POC5: variants seen among roughly 807,000 people sequenced by gnomAD.
POC5 encodes the protein POC5 centriolar protein, also known as centrosomal protein POC5.
POC5 carries 48 observed loss-of-function variants against 62.9 expected under a neutral mutation model. The observed-to-expected ratio is 0.76, with a 90% CI of 0.61 to 0.97. POC5 has a LOEUF of 0.97. Among genes scored for constraint, POC5 ranks in the 50% least tolerant of loss-of-function variants. The pLI is 0.00. For missense variants in POC5, 696 were observed against 679.5 expected (o/e 1.02, Z -0.27); for synonymous variants, 236 against 228.2 (o/e 1.03, Z -0.31).
chr5:75,713,219 C>G (rs1777422360), intron 1 of POC5, among the ~76,000 whole-genome samples: 1 of 152,216 alleles, frequency 6.6e-6, no homozygotes, highest in Admixed American at 6.5e-5. Flanking sequence ...AGATTGTGAT[C>G]ACTGTTCTTG....
intron 11 of POC5, among the ~76,000 whole-genome samples, chr5:75,676,609 C>T (rs1775665983): frequency 6.6e-6 from 1 of 152,008 alleles, no homozygotes; most frequent in Non-Finnish European, 1.5e-5. Flanking sequence ...AGAAAGTACA[C>T]AGGAACGTTG....
intron 3 of POC5, among the ~76,000 whole-genome samples, chr5:75,706,701 C>T (rs1777135728): frequency 6.6e-6 from 1 of 152,024 alleles, no homozygotes; most frequent in African/African-American, 2.4e-5. Flanking sequence ...GGTGCTGGGA[C>T]TATAGGCTGC....
intron 5 of POC5, among the ~76,000 whole-genome samples, chr5:75,700,117 C>G (rs1370992038): frequency 6.6e-6 from 1 of 152,110 alleles, no homozygotes; most frequent in Non-Finnish European, 1.5e-5. Context: ...TAGGAAGAGT[C>G]AGTATCGTGA....
Position 75,692,251 on chromosome 5 carries a change from CA to C in POC5, c.795+144del. ...AAACTGTATTTTTTCCAAACTACAT[CA>C]AAATCAAATTCCTTTGAAATAAGAG... is the stretch of plus-strand genomic sequence containing the variant. On this transcript the variant is annotated intron_variant, in intron 7 of 11. Transcript: ENST00000428202. 1.1e-5 allele frequency: 5 copies of C among 472,604 alleles called. No homozygotes were observed. The South Asian group carries it at 2.2e-4, about 21-fold the overall frequency. The allele number at this position is 472,604 out of a possible 1,614,324, so 29.3% of individuals were successfully genotyped here. A position where few individuals can be genotyped will look rare whatever the true frequency, so the allele number is the denominator to read the frequency against.
intron 3 of POC5, among the ~76,000 whole-genome samples, chr5:75,706,266 A>AC (rs1312900642): frequency 1.3e-5 from 2 of 152,228 alleles, no homozygotes; most frequent in African/African-American, 4.8e-5. Flanking sequence ...AATGACTGTT[A>AC]GAGGCTTACA....
rs146229383 is a variant in POC5 at position 75,715,665 on chromosome 5, C to A, written c.-15+1641G>T. ...CCTAACCATATCAGGTCCCTATACC[C>A]GACTCGTATGCAATATTTTTATCAT... On this transcript the variant is annotated intron_variant, in intron 1 of 11. Coordinates refer to ENST00000428202, the MANE Select transcript of POC5 (RefSeq NM_001099271.2). 1.2e-3 allele frequency among the ~76,000 whole-genome samples: 181 copies of A among 152,240 alleles called. 1 individual carries two copies. Among genetic ancestry groups the A allele is most frequent in the African/African-American group, 3.9e-3 (162 of 41,522 alleles).
chr5:75,714,426 A>C (rs1777470116), intron 1 of POC5, among the ~76,000 whole-genome samples: 1 of 152,218 alleles, frequency 6.6e-6, no homozygotes, highest in Non-Finnish European at 1.5e-5. Flanking sequence ...CAGTAGTCTA[A>C]GAGATAAATG....
chr5:75,700,044 G>A (rs9763909), intron 5 of POC5, among the ~76,000 whole-genome samples: 42,845 of 147,540 alleles, frequency 0.29, 6,370 homozygotes, highest in African/African-American at 0.35. Context: ...GAGAACTACA[G>A]ACCACTGCTC....
chr5:75,716,067 G>A (rs1047011195), intron 1 of POC5, among the ~76,000 whole-genome samples: 1 of 152,114 alleles, frequency 6.6e-6, no homozygotes, highest in East Asian at 1.9e-4. Context: ...AATGAGAGAT[G>A]AGGAAATTGA....
rs370019616 is a variant in POC5, at chr5:75,690,409, T to G, written c.949A>C (p.Asn317His). The G allele has an allele frequency of 6.2e-7, 1 of 1,610,818 alleles. No homozygotes were observed. Among genetic ancestry groups the G allele is most frequent in the Non-Finnish European group, 8.5e-7 (1 of 1,178,774 alleles). ...ATAGCAACTTTGGCTTCATAATCAT[T>G]GGAAATCTGGATACAAACTTCTTCA... ...RAEEVCIQIS[N>H]DYEAKVAMLS... The change falls in exon 8 of 12, where the codon AAT (asparagine) becomes CAT (histidine). Residue 317 changes from asparagine to histidine, a missense_variant. By Grantham distance (68) the Asn-to-His change is moderately conservative. Coordinates refer to ENST00000428202, the MANE Select transcript of POC5 (RefSeq NM_001099271.2).
chr5:75,690,434 A>G lies in POC5; in HGVS notation c.924T>C (p.Ala308=). ...TGGAAATCTGGATACAAACTTCTTC[A>G]GCTCTTGCTTGACAAGCTCTTTCTA... ...DVVERACQAR[A]EEVCIQISND... The change falls in exon 8 of 12, where the codon GCT becomes GCC. Residue 308 remains alanine, a synonymous_variant. Transcript: ENST00000428202. The G allele has an allele frequency of 1.2e-6, 2 of 1,612,476 alleles. No homozygotes were observed. The highest frequency in any genetic ancestry group is 2.2e-5 in the South Asian group (2 of 90,670).
At chr5:75,715,238 A>T (rs775389582) in intron 1 of POC5, among the ~76,000 whole-genome samples, 1 of 143,770 alleles carries the variant, frequency 7.0e-6, no homozygotes, top group East Asian at 2.1e-4. Flanking sequence ...TGAACCCGGG[A>T]GGCGGAGCTC....
Position 75,694,641 on chromosome 5 carries a change from A to G in POC5, c.690+14T>C. 6.8e-6 allele frequency: 10 copies of G among 1,471,834 alleles called. No homozygotes were observed. Among genetic ancestry groups the G allele is most frequent in the Non-Finnish European group, 7.3e-6 (8 of 1,101,636 alleles). The allele number at this position is 1,471,834 out of a possible 1,614,324, so 91.2% of individuals were successfully genotyped here. ...TACTGAATCTCAGTTAAAAAGAAAT[A>G]TAAAAAAGAAGACCTCATCTTTTCT... On this transcript the variant is annotated intron_variant, in intron 6 of 11. Coordinates refer to ENST00000428202, the MANE Select transcript of POC5 (RefSeq NM_001099271.2).
intron 5 of POC5, among the ~76,000 whole-genome samples, chr5:75,699,479 T>A (rs562641057): frequency 2.7e-5 from 4 of 150,448 alleles, no homozygotes; most frequent in Non-Finnish European, 3.0e-5. Flanking sequence ...CATGATTATC[T>A]CAATAGATGC....
At chr5:75,694,910 A>T in intron 5 of POC5, 79 bp from the exon 6 acceptor site, 1 of 1,041,348 alleles carries the variant, frequency 9.6e-7, no homozygotes, top group Non-Finnish European at 1.4e-6. Flanking sequence ...ATAAAGAAAC[A>T]TTAAAAAAAT....
chr5:75,702,403 A>T (rs776631489), intron 5 of POC5, among the ~76,000 whole-genome samples: 8 of 152,228 alleles, frequency 5.3e-5, no homozygotes, highest in Admixed American at 2.6e-4. Context: ...CCTACTGCAT[A>T]TGAAGCTGTA....
chr5:75,698,475 C>G lies in POC5; in HGVS notation c.514-3644G>C, dbSNP rs537762931. Among the ~76,000 whole-genome samples the G allele has an allele frequency of 7.9e-5, 12 of 152,116 alleles. No individual in the cohort carries two copies. The South Asian group carries it at 2.3e-3, about 29-fold the overall frequency. On this transcript the variant is annotated intron_variant, in intron 5 of 11. Transcript: ENST00000428202. ...CCTGCTCCTGAATGACTACTGGGTA[C>G]ATAATGAAATGAAGGCAGAAATAAA...
chr5:75,692,552 G>C, intron 6 of POC5, 52 bp from the exon 7 acceptor site: 1 of 1,297,052 alleles, frequency 7.7e-7, no homozygotes, highest in Middle Eastern at 1.9e-4. Flanking sequence ...ACAGCAATTG[G>C]TAAAGTGATT....
intron 11 of POC5, among the ~76,000 whole-genome samples, chr5:75,677,178 TATCA>T (rs1388823441): frequency 6.6e-6 from 1 of 152,246 alleles, no homozygotes; most frequent in African/African-American, 2.4e-5. Flanking sequence ...GATTTGTATA[TATCA>T]CAAAGCCAAC....
Sources: gnomAD v4.1 joint callset for allele counts (sites outside exome capture counted in the v4.1 genomes callset) on GRCh38, gnomAD v4.1.1 for gene constraint, MANE v1.5 for transcripts, NCBI Gene and HGNC (gene_info 2026-07-23, HGNC 2026-07-21) for gene names.